ADGRL3: variants seen among roughly 807,000 people sequenced by gnomAD.
ADGRL3 encodes calcium-independent alpha-latrotoxin receptor 3.
ADGRL3 carries 62 observed loss-of-function variants against 153.5 expected under a neutral mutation model. The observed-to-expected ratio is 0.40, with a 90% confidence interval of 0.33 to 0.50. The LOEUF is 0.50. Ranked by LOEUF, ADGRL3 falls within the 20% of genes least tolerant of loss-of-function variation. The pLI, the probability that ADGRL3 is intolerant of heterozygous loss-of-function variation, is 0.47. For synonymous variants in ADGRL3, 710 were observed against 672.5 expected, an observed-to-expected ratio of 1.06 and a Z score of -0.86; for missense variants, 1,641 against 1,859.4, an observed-to-expected ratio of 0.88 and a Z score of 2.16.
intron 9 of ADGRL3, among the ~76,000 whole-genome samples, chr4:61,832,532 C>A (rs1255412477): frequency 6.6e-6 from 1 of 152,162 alleles, no homozygotes; most frequent in Non-Finnish European, 1.5e-5. Context: ...GACCATCAGA[C>A]CTGGTTCTGA....
chr4:61,327,837 C>A (rs1054271735), intron 1 of ADGRL3, among the ~76,000 whole-genome samples: 7 of 151,930 alleles, frequency 4.6e-5, no homozygotes, highest in Non-Finnish European at 8.8e-5. Flanking sequence ...GGAGAAATGG[C>A]CATTTAATTA....
chr4:61,320,491 G>T (rs1420408378), intron 1 of ADGRL3, among the ~76,000 whole-genome samples: 1 of 152,176 alleles, frequency 6.6e-6, no homozygotes, highest in South Asian at 2.1e-4. Context: ...GGAGATTCAG[G>T]TAAGAGTTGT....
chr4:61,849,918 T>C (rs1266832892), intron 9 of ADGRL3, among the ~76,000 whole-genome samples: 1 of 152,116 alleles, frequency 6.6e-6, no homozygotes, highest in Non-Finnish European at 1.5e-5. Context: ...AGAACGCTTT[T>C]GCCAAACAGA....
At chr4:62,054,572 T>TA (rs772881734) in intron 25 of ADGRL3, among the ~76,000 whole-genome samples, 1 of 151,660 alleles carries the variant, frequency 6.6e-6, no homozygotes, top group African/African-American at 2.4e-5. Flanking sequence ...TCAAAAATTA[T>TA]AGTTCAGATT....
intron 8 of ADGRL3, among the ~76,000 whole-genome samples, chr4:61,766,405 C>G (rs910368418): frequency 6.6e-6 from 1 of 152,072 alleles, no homozygotes; most frequent in Non-Finnish European, 1.5e-5. Context: ...GAGGGCTAGG[C>G]TAAAACAGTA....
At chr4:61,328,829 G>A (rs373444492) in intron 1 of ADGRL3, among the ~76,000 whole-genome samples, 2 of 152,140 alleles carry the variant, frequency 1.3e-5, no homozygotes, top group East Asian at 3.9e-4. Context: ...TCCTACTCCT[G>A]CTCCTGCCTT....
intron 9 of ADGRL3, among the ~76,000 whole-genome samples, chr4:61,835,318 C>A (rs2097918515): frequency 9.7e-6 from 1 of 102,990 alleles, no homozygotes; most frequent in Non-Finnish European, 1.7e-5. Context: ...CTCATGTGTG[C>A]ATTAAGAGTG....
At chr4:61,233,924 A>G (rs893727273) in intron 1 of ADGRL3, among the ~76,000 whole-genome samples, 4 of 152,176 alleles carry the variant, frequency 2.6e-5, no homozygotes, top group African/African-American at 7.2e-5. Context: ...AGGTTAATTT[A>G]TAGCTCACTT....
chr4:61,751,807 T>C (rs1327602113), intron 8 of ADGRL3, among the ~76,000 whole-genome samples: 1 of 152,108 alleles, frequency 6.6e-6, no homozygotes, highest in Non-Finnish European at 1.5e-5. Context: ...AACACTCTCA[T>C]GCTTATATCT....
At chr4:61,500,594 G>A (rs1002316230) in intron 3 of ADGRL3, among the ~76,000 whole-genome samples, 4 of 152,098 alleles carry the variant, frequency 2.6e-5, no homozygotes, top group South Asian at 4.1e-4. Flanking sequence ...CTCTGCTGAC[G>A]TCTCCTTGCT....
rs866988347 is a variant in ADGRL3, at chr4:62,027,018, T to C, written c.3396-1837T>C. 6.6e-5 allele frequency among the ~76,000 whole-genome samples: 10 copies of C among 152,198 alleles called. No individual in the cohort carries two copies. In the South Asian group the frequency reaches 1.0e-3, roughly 16 times the overall value. ...ATGGATGCCTATGTGTCAACCTCTG[T>C]AACTTTCTTTTCTTGACATTGTACT... is the stretch of plus-strand genomic sequence containing the variant. On this transcript the variant is annotated intron_variant, in intron 21 of 26. Transcript: ENST00000683033.
intron 13 of ADGRL3, among the ~76,000 whole-genome samples, chr4:61,922,625 T>C (rs2098775054): frequency 6.6e-6 from 1 of 152,206 alleles, no homozygotes; most frequent in Admixed American, 6.5e-5. Flanking sequence ...AACAAGTATG[T>C]CCTTTTCAAA....
At chr4:61,824,338 G>C (rs182698941) in intron 9 of ADGRL3, among the ~76,000 whole-genome samples, 2 of 151,978 alleles carry the variant, frequency 1.3e-5, no homozygotes, top group Admixed American at 1.3e-4. Context: ...CTCAGAAAAC[G>C]TATCTAAAAT....
At position 62,070,989 on chromosome 4, in the gene ADGRL3, T is replaced by C; in HGVS notation, c.*81T>C. ...GAGTTGATATAAGCAGTGGTAATAA[T>C]GTGTGTACTCCTAAATCTTTATGCT... On this transcript the variant is annotated 3_prime_UTR_variant, in exon 27 of 27. Transcript: ENST00000683033. The C allele has an allele frequency of 8.7e-7, 1 of 1,149,942 alleles. No individual in the cohort carries two copies. Among genetic ancestry groups the C allele is most frequent in the South Asian group, 1.6e-5 (1 of 62,160 alleles). 71.2% of individuals were successfully genotyped at this position (1,149,942 alleles called of 1,614,324 possible).
chr4:61,910,458 C>G (rs1022110366), intron 12 of ADGRL3, among the ~76,000 whole-genome samples: 2 of 18,174 alleles, frequency 1.1e-4, no homozygotes, highest in Non-Finnish European at 4.6e-4. Context: ...CATTTAGTTA[C>G]ATAAACATAT....
In ADGRL3 at chr4:61,974,094, A is replaced by C. The variant is rs927181754; in HGVS notation, c.2806-5469A>C. On this transcript the variant is annotated intron_variant, in intron 17 of 26. Transcript: ENST00000683033. ...GCCATCCTGCCACCTCAGCTTCCTG[A>C]GTAGCTGTGACTACAGGCACCCTCC... Among the ~76,000 whole-genome samples the C allele has an allele frequency of 2.6e-5, 4 of 152,122 alleles. No homozygotes were observed. The East Asian group carries it at 7.8e-4, about 30-fold the overall frequency.
intron 17 of ADGRL3, among the ~76,000 whole-genome samples, chr4:61,954,751 G>A (rs1372367469): frequency 4.6e-5 from 7 of 152,054 alleles, no homozygotes; most frequent in Non-Finnish European, 1.0e-4. Flanking sequence ...GACAGCGCTT[G>A]CCAAGATTTC....
chr4:61,743,365 T>C (rs1266445500), intron 8 of ADGRL3, among the ~76,000 whole-genome samples: 1 of 151,054 alleles, frequency 6.6e-6, no homozygotes, highest in African/African-American at 2.4e-5. Context: ...AAAACAATTC[T>C]GCCAAAAAAC....
intron 1 of ADGRL3, among the ~76,000 whole-genome samples, chr4:61,291,218 G>A (rs4038725): frequency 0.058 from 7,786 of 133,594 alleles, 524 homozygotes; most frequent in African/African-American, 0.15. Flanking sequence ...ACACACACAC[G>A]CACACACACA....
Sources: allele counts gnomAD v4.1 joint callset (sites outside exome capture counted in the v4.1 genomes callset), GRCh38; gene constraint gnomAD v4.1.1; transcripts MANE v1.5; gene names NCBI Gene and HGNC (gene_info 2026-07-23, HGNC 2026-07-21).